Variants in PALLD observed in about 807,000 individuals in gnomAD.
PALLD encodes the protein palladin, cytoskeletal associated protein, also known as palladin.
In PALLD, 61 loss-of-function variants were observed where a neutral mutation model predicts 123.5. That is an observed-to-expected ratio of 0.49 (90% CI 0.40 to 0.61). The LOEUF is 0.61. Among genes scored for constraint, PALLD ranks in the 20% least tolerant of loss-of-function variants. The probability of loss-of-function intolerance (pLI) is 0.00; values close to 1 mark genes in which losing one functional copy is unlikely to be tolerated. For missense variants in PALLD, 1,273 were observed against 1,377.0 expected (o/e 0.92, Z 1.20); for synonymous variants, 465 against 496.4 (o/e 0.94, Z 0.84).
At chr4:168,919,171 G>A (rs1348233154) in intron 17 of PALLD, among the ~76,000 whole-genome samples, 2 of 152,092 alleles carry the variant, frequency 1.3e-5, no homozygotes, top group African/African-American at 4.8e-5. Flanking sequence ...AAAGAATATT[G>A]GAAACAAAAA....
chr4:168,803,211 G>A (rs1375538435), intron 10 of PALLD, among the ~76,000 whole-genome samples: 1 of 152,140 alleles, frequency 6.6e-6, no homozygotes, highest in African/African-American at 2.4e-5. Context: ...TGGCTGGGAG[G>A]CCTCGGGAAT....
At chr4:168,616,148 A>C (rs1466941055) in intron 2 of PALLD, among the ~76,000 whole-genome samples, 2 of 152,154 alleles carry the variant, frequency 1.3e-5, no homozygotes, top group Non-Finnish European at 2.9e-5. Flanking sequence ...CATCAGAGCT[A>C]TCCTGCCTTC....
chr4:168,795,351 G>GA (rs1738338833), intron 10 of PALLD, among the ~76,000 whole-genome samples: 1 of 152,120 alleles, frequency 6.6e-6, no homozygotes, highest in Admixed American at 6.5e-5. Context: ...TCGAAGAGTA[G>GA]AAAAAAGAAT....
chr4:168,663,986 A>G (rs1211108567), intron 2 of PALLD, among the ~76,000 whole-genome samples: 1 of 152,194 alleles, frequency 6.6e-6, no homozygotes, highest in Non-Finnish European at 1.5e-5. Context: ...TAGTGAAGAA[A>G]TCTGTGCTCT....
chr4:168,624,723 G>A (rs1775074526), intron 2 of PALLD, among the ~76,000 whole-genome samples: 1 of 152,150 alleles, frequency 6.6e-6, no homozygotes, highest in Admixed American at 6.5e-5. Flanking sequence ...AACAATATGA[G>A]TAAGATAGAA....
At position 168,647,781 on chromosome 4, in the gene PALLD, A is replaced by C. The variant is rs1278073434; in HGVS notation, c.909-20409A>C. On this transcript the variant is annotated intron_variant, in intron 2 of 21. Transcript: ENST00000505667. The stretch of plus-strand genomic sequence containing the variant: ...GGGTGACAGAGCCCGACTCTGTCTC[A>C]AAAAAAAAAAAAAAAAAAAAAGAAG... The C allele has an allele frequency of 5.9e-4, 6 of 10,170 alleles. No individual in the cohort carries two copies. In the Admixed American group the frequency reaches 6.1e-3, roughly 10 times the overall value. 0.6% of individuals were successfully genotyped at this position (10,170 alleles called of 1,614,324 possible).
intron 10 of PALLD, among the ~76,000 whole-genome samples, chr4:168,774,135 C>T (rs766329837): frequency 6.1e-5 from 9 of 148,756 alleles, no homozygotes; most frequent in Non-Finnish European, 1.3e-4. Context: ...ATTCAGAAAA[C>T]TGCGTAAAAC....
intron 10 of PALLD, among the ~76,000 whole-genome samples, chr4:168,753,026 A>C (rs1377355156): frequency 6.6e-6 from 1 of 152,174 alleles, no homozygotes; most frequent in East Asian, 1.9e-4. Context: ...TATTAAGAGT[A>C]CATTTATGAG....
chr4:168,599,974 CATAT>C (rs760458663), intron 2 of PALLD, among the ~76,000 whole-genome samples: 6 of 151,214 alleles, frequency 4.0e-5, no homozygotes, highest in African/African-American at 7.3e-5. Flanking sequence ...TATACACACA[CATAT>C]ATACATACAT....
In PALLD at chr4:168,512,626, G is replaced by A. The variant is rs552384129; in HGVS notation, c.908+214G>A. ...GTCATGCACCCTCTGTGCTAAGGAA[G>A]GAAGGCAAAGGACTTGAGAAGGCAA... On this transcript the variant is annotated intron_variant, in intron 2 of 21. Coordinates refer to ENST00000505667, the MANE Select transcript of PALLD (RefSeq NM_001166108.2). Among the ~76,000 whole-genome samples, 3 of 152,246 alleles carry A rather than the reference G, an allele frequency of 2.0e-5. No individual in the cohort carries two copies. In the East Asian group the frequency reaches 5.8e-4, roughly 29 times the overall value.
chr4:168,670,746 AC>A (rs771570781), intron 3 of PALLD, among the ~76,000 whole-genome samples: 10,504 of 62,122 alleles, frequency 0.17, 942 homozygotes, highest in African/African-American at 0.34. Context: ...TCTCAAAAAA[AC>A]AAAAAAAACA....
intron 2 of PALLD, among the ~76,000 whole-genome samples, chr4:168,515,467 G>A (rs905061607): frequency 6.6e-6 from 1 of 152,138 alleles, no homozygotes; most frequent in Non-Finnish European, 1.5e-5. Flanking sequence ...GCAAGGAGAT[G>A]TCAGGAGAAT....
intron 14 of PALLD, among the ~76,000 whole-genome samples, chr4:168,900,654 A>G (rs1472354466): frequency 6.6e-6 from 1 of 152,208 alleles, no homozygotes; most frequent in Non-Finnish European, 1.5e-5. Context: ...GCAACGCCAA[A>G]GTCAAAGATC....
intron 10 of PALLD, among the ~76,000 whole-genome samples, chr4:168,858,797 T>TAAA (rs35301228): frequency 1.3e-5 from 2 of 148,942 alleles, no homozygotes; most frequent in Non-Finnish European, 1.5e-5. Flanking sequence ...AAATAAAAAT[T>TAAA]AAAAAAAAAA....
At chr4:168,796,007 G>A (rs937620929) in intron 10 of PALLD, among the ~76,000 whole-genome samples, 1 of 152,136 alleles carries the variant, frequency 6.6e-6, no homozygotes, top group Non-Finnish European at 1.5e-5. Context: ...CATGGAGAAT[G>A]GGGTACCCGT....
chr4:168,897,079 C>T (rs1044274567), intron 13 of PALLD, among the ~76,000 whole-genome samples: 1 of 152,196 alleles, frequency 6.6e-6, no homozygotes, highest in East Asian at 1.9e-4. Context: ...GATCCACCCG[C>T]CTTGGCTTCC....
At chr4:168,611,067 T>C (rs932315774) in intron 2 of PALLD, among the ~76,000 whole-genome samples, 4 of 152,188 alleles carry the variant, frequency 2.6e-5, no homozygotes, top group Admixed American at 6.5e-5. Flanking sequence ...CTGGAAGCTG[T>C]CCATGATTAC....
At chr4:168,742,743 G>A (rs753212914) in intron 10 of PALLD, among the ~76,000 whole-genome samples, 2 of 152,006 alleles carry the variant, frequency 1.3e-5, no homozygotes, top group Non-Finnish European at 2.9e-5. Context: ...TGCATCTAGT[G>A]GCAATCATAT....
At chr4:168,620,088 C>T (rs1774610745) in intron 2 of PALLD, among the ~76,000 whole-genome samples, 1 of 152,188 alleles carries the variant, frequency 6.6e-6, no homozygotes, top group South Asian at 2.1e-4. Context: ...ACCACCCCAG[C>T]CCCATGCTAA....
Sources: gnomAD v4.1 joint callset for allele counts (sites outside exome capture counted in the v4.1 genomes callset) on GRCh38, gnomAD v4.1.1 for gene constraint, MANE v1.5 for transcripts, NCBI Gene and HGNC (gene_info 2026-07-23, HGNC 2026-07-21) for gene names.